The following WASF1 variants were observed in gnomAD, a reference collection of about 807,000 sequenced individuals.
WASF1 encodes actin-binding protein WASF1.
Under a neutral mutation model 50.5 loss-of-function variants are expected in WASF1, and 7 were observed. The observed-to-expected ratio is 0.14, with a 90% CI of 0.08 to 0.26. The LOEUF is 0.26. Ranked by LOEUF, WASF1 falls within the 10% of genes least tolerant of loss-of-function variation. The pLI is 1.00. For synonymous variants in WASF1, 205 were observed against 244.0 expected, an observed-to-expected ratio of 0.84 and a Z score of 1.49; for missense variants, 470 against 694.7, an observed-to-expected ratio of 0.68 and a Z score of 3.64.
chr6:110,169,977 C>T (rs1584035502), intron 2 of WASF1, among the ~76,000 whole-genome samples: 1 of 152,004 alleles, frequency 6.6e-6, no homozygotes, highest in East Asian at 1.9e-4. Context: ...GTTCAAACTG[C>T]AGAAAACCAA....
chr6:110,105,556 A>G lies in WASF1; in HGVS notation c.564T>C (p.His188=), dbSNP rs187753574. 37 of 1,613,618 alleles carry G rather than the reference A, an allele frequency of 2.3e-5. No individual in the cohort carries two copies. Among genetic ancestry groups the G allele is most frequent in the Middle Eastern group, 1.7e-4 (1 of 6,054 alleles). Reference sequence around the variant, plus strand: ...GTGCTCTTGGCACTTTTTCTGGTTCATGAGGACGATCTAGATTTTTCTGCT... The same window carrying G: ...GTGCTCTTGGCACTTTTTCTGGTTCGTGAGGACGATCTAGATTTTTCTGCT... ...KQKQKNLDRP[H]EPEKVPRAPH... is the part of the protein sequence containing the mutation. Residue 188 remains histidine (H), a synonymous_variant, in exon 8 of 11, where the codon CAT becomes CAC. Coordinates refer to ENST00000392589, the MANE Select transcript of WASF1 (RefSeq NM_003931.3).
chr6:110,160,018 C>T (rs939580968), intron 3 of WASF1, among the ~76,000 whole-genome samples: 3 of 151,720 alleles, frequency 2.0e-5, no homozygotes, highest in South Asian at 2.1e-4. Context: ...ATTAAAATAA[C>T]CTTTTACATT....
chr6:110,174,534 G>C (rs1339984046), intron 2 of WASF1, among the ~76,000 whole-genome samples: 1 of 152,130 alleles, frequency 6.6e-6, no homozygotes, highest in Non-Finnish European at 1.5e-5. Context: ...AAACTTATCA[G>C]TAAAAGGGGA....
At chr6:110,105,327 G>A in intron 8 of WASF1, 80 bp downstream of exon 8, 1 of 1,367,710 alleles carries the variant, frequency 7.3e-7, no homozygotes, top group Non-Finnish European at 9.8e-7. Flanking sequence ...AACAGTTTAG[G>A]ACTCAAGACT....
At chr6:110,117,045 T>C (rs1361738708) in intron 4 of WASF1, among the ~76,000 whole-genome samples, 3 of 149,998 alleles carry the variant, frequency 2.0e-5, no homozygotes, top group African/African-American at 4.9e-5. Flanking sequence ...ACCACAAAGA[T>C]GGGGAGAAAC....
rs115376084 is a variant in WASF1, at chr6:110,148,437, A to G, written c.-29+12198T>C. On this transcript the variant is annotated intron_variant, in intron 3 of 10. Transcript: ENST00000392589. ...GGGGACCTGTCTCCTTAAGGAAGTA[A>G]TATTTAAATTAAGAACAAAAGGATT... Among the ~76,000 whole-genome samples, 474 of 152,224 alleles carry G rather than the reference A, an allele frequency of 3.1e-3. 2 individuals are homozygous for G. The highest frequency in any genetic ancestry group is 0.011 in the African/African-American group (453 of 41,532).
chr6:110,102,048 G>A lies in WASF1; in HGVS notation c.1062C>T (p.Pro354=). The A allele has an allele frequency of 6.5e-7, 1 of 1,530,020 alleles. No homozygotes were observed. Among genetic ancestry groups the A allele is most frequent in the Non-Finnish European group, 8.8e-7 (1 of 1,139,996 alleles). The allele number at this position is 1,530,020 out of a possible 1,614,324, so 94.8% of individuals were successfully genotyped here. A position where few individuals can be genotyped will look rare whatever the true frequency, so the allele number is the denominator to read the frequency against. The change falls in exon 10 of 11, where the codon CCC becomes CCT. Residue 354 remains proline, a synonymous_variant. Coordinates refer to ENST00000392589, the MANE Select transcript of WASF1 (RefSeq NM_003931.3). ...AAGCAGTGGCTGGAGGTGGAGGTGG[G>A]GGAGGTACTGGAGGGGGAGGAGTTG... The part of the protein sequence containing the change: ...MTSTPPPPVP[P]PPPPPATALQ...
intron 4 of WASF1, among the ~76,000 whole-genome samples, chr6:110,114,823 C>T (rs1248402086): frequency 6.6e-6 from 1 of 150,436 alleles, no homozygotes; most frequent in African/African-American, 2.4e-5. Context: ...ATTGGCCAGG[C>T]ATGACAGTCT....
chr6:110,123,650 T>C (rs1774237843), intron 4 of WASF1, among the ~76,000 whole-genome samples: 1 of 152,174 alleles, frequency 6.6e-6, no homozygotes, highest in African/African-American at 2.4e-5. Flanking sequence ...AACAGGCAGC[T>C]CTTAATATAA....
chr6:110,124,109 G>A (rs1774257789), intron 4 of WASF1, among the ~76,000 whole-genome samples: 1 of 150,980 alleles, frequency 6.6e-6, no homozygotes, highest in Admixed American at 6.6e-5. Flanking sequence ...GCAGACTAAG[G>A]GCCTGCATGT....
rs1355523152 is a variant in WASF1, at chr6:110,163,078, C to T, written c.-126-2346G>A. 5.3e-5 allele frequency among the ~76,000 whole-genome samples: 8 copies of T among 151,564 alleles called. No homozygotes were observed. In the East Asian group the frequency reaches 1.5e-3, roughly 29 times the overall value. ...TATATAAAAGTCAACTGCTTCCCAA[C>T]ATCTTAACAACGAATACGTCATATC... On this transcript the variant is annotated intron_variant, in intron 2 of 10. Transcript: ENST00000392589.
At chr6:110,131,974 T>C (rs553822426) in intron 3 of WASF1, among the ~76,000 whole-genome samples, 135 of 152,366 alleles carry the variant, frequency 8.9e-4, no homozygotes, top group African/African-American at 3.1e-3. Flanking sequence ...GGAACTGTTA[T>C]TAAACCTATC....
At chr6:110,175,505 A>G (rs991577911) in intron 2 of WASF1, among the ~76,000 whole-genome samples, 1 of 152,144 alleles carries the variant, frequency 6.6e-6, no homozygotes, top group Non-Finnish European at 1.5e-5. Flanking sequence ...GTAAGCGGTA[A>G]CTTTAGGGAA....
At chr6:110,161,693 A>G (rs1271170772) in intron 2 of WASF1, among the ~76,000 whole-genome samples, 5 of 151,560 alleles carry the variant, frequency 3.3e-5, no homozygotes, top group Non-Finnish European at 7.4e-5. Flanking sequence ...AAAACTGGGG[A>G]GAAATTATAC....
chr6:110,163,415 T>C (rs1048559569), intron 2 of WASF1, among the ~76,000 whole-genome samples: 1 of 151,536 alleles, frequency 6.6e-6, no homozygotes, highest in African/African-American at 2.4e-5. Context: ...TTCCAGGCTG[T>C]AGACTTCTTG....
chr6:110,123,124 C>G (rs1774215231), intron 4 of WASF1, among the ~76,000 whole-genome samples: 1 of 152,134 alleles, frequency 6.6e-6, no homozygotes, highest in African/African-American at 2.4e-5. Context: ...ATATGCCTGT[C>G]AATCTGAAAG....
At chr6:110,105,273 G>A in intron 8 of WASF1, 134 bp downstream of exon 8, 1 of 986,818 alleles carries the variant, frequency 1.0e-6, no homozygotes, top group Non-Finnish European at 1.4e-6. Flanking sequence ...CAGTGGTCAG[G>A]ATTTTGAAAT....
intron 3 of WASF1, among the ~76,000 whole-genome samples, chr6:110,143,570 T>G (rs1357299399): frequency 6.6e-6 from 1 of 152,138 alleles, no homozygotes; most frequent in Non-Finnish European, 1.5e-5. Flanking sequence ...CTGTAAAGTT[T>G]ATTTAAAACG....
intron 2 of WASF1, among the ~76,000 whole-genome samples, chr6:110,166,446 A>G (rs980890704): frequency 1.1e-4 from 17 of 152,002 alleles, no homozygotes; most frequent in African/African-American, 4.1e-4. Flanking sequence ...TTTTATAGAG[A>G]GCAAGGCTCA....
Sources: gnomAD v4.1 joint callset for allele counts (sites outside exome capture counted in the v4.1 genomes callset) on GRCh38, gnomAD v4.1.1 for gene constraint, MANE v1.5 for transcripts, NCBI Gene and HGNC (gene_info 2026-07-23, HGNC 2026-07-21) for gene names.